Variants in RNPS1 observed in about 807,000 individuals in gnomAD.
The protein encoded by RNPS1 is RNA-binding protein with serine-rich domain 1.
For synonymous variants in RNPS1, 147 were observed against 150.0 expected (o/e 0.98, Z 0.15); for missense variants, 300 against 427.6 (o/e 0.70, Z 2.63).
intron 5 of RNPS1, 62 bp downstream of exon 5, chr16:2,262,678 C>A: frequency 2.8e-6 from 4 of 1,419,050 alleles, no homozygotes; most frequent in Non-Finnish European, 4.0e-6. Context: ...CTAAGTTCAT[C>A]TGCAGGCACA....
intron 3 of RNPS1, chr16:2,263,788 A>C: frequency 4.0e-6 from 1 of 253,102 alleles, no homozygotes; most frequent in Middle Eastern, 1.5e-3. Flanking sequence ...AGTTTTGTTT[A>C]TTTTCCTCAA....
chr16:2,263,255 G>C lies in RNPS1; in HGVS notation c.260C>G (p.Ser87Cys). The C allele has an allele frequency of 2.5e-6, 4 of 1,613,806 alleles. No homozygotes were observed. The highest frequency in any genetic ancestry group is 3.4e-6 in the Non-Finnish European group (4 of 1,179,844). ...SRSSSTSSSGSSTSTGSSSGS... is the reference protein window; with the variant it reads ...SRSSSTSSSGCSTSTGSSSGS... ...ACTGCTTGAGCCAGTGCTGGTGCTGGAGCCTGAGCTGGAAGTCGAGCTGGA... is the reference window on the plus strand; with the variant it reads ...ACTGCTTGAGCCAGTGCTGGTGCTGCAGCCTGAGCTGGAAGTCGAGCTGGA... The change falls in exon 4 of 8, where the codon TCC (serine) becomes TGC (cysteine). Residue 87 changes from serine to cysteine, a missense_variant. Ser to Cys is a moderately radical substitution (Grantham distance 112). Transcript: ENST00000320225.
At chr16:2,266,375 T>C in intron 1 of RNPS1, 2 of 985,460 alleles carry the variant, frequency 2.0e-6, no homozygotes. Context: ...ACACTCTTTG[T>C]GTCCTCGGAC....
chr16:2,263,037 G>T, intron 4 of RNPS1, 59 bp downstream of exon 4: 2 of 1,547,678 alleles, frequency 1.3e-6, no homozygotes, highest in African/African-American at 1.4e-5. Flanking sequence ...TTATAACCTC[G>T]ATGGTAAATC....
In RNPS1 at chr16:2,267,970, A is replaced by T. The variant is rs2093632311; in HGVS notation, c.-118+85T>A. 2.0e-6 allele frequency: 3 copies of T among 1,533,142 alleles called. No homozygotes were observed. In the Admixed American group the frequency reaches 5.9e-5, roughly 30 times the overall value. 95.0% of individuals were successfully genotyped at this position (1,533,142 alleles called of 1,614,324 possible). On this transcript the variant is annotated intron_variant, in intron 1 of 7. Coordinates refer to ENST00000320225, the MANE Select transcript of RNPS1 (RefSeq NM_080594.4). Reference sequence around the variant, plus strand: ...CCACCGCCGCACTGCGGGGCTGAGGAGTGGACCGGCTTCACGAGGCGTCCT... The same window carrying T: ...CCACCGCCGCACTGCGGGGCTGAGGTGTGGACCGGCTTCACGAGGCGTCCT...
At position 2,255,738 on chromosome 16, in the gene RNPS1, G is replaced by A. The variant is rs2093575234; in HGVS notation, c.677-12C>T. Reference sequence around the variant, plus strand: ...GCCATCAATTTGTCCTGTTGAAAAAGACAGCAAGTCATAAAATATCTAACA... The same window carrying A: ...GCCATCAATTTGTCCTGTTGAAAAAAACAGCAAGTCATAAAATATCTAACA... On this transcript the variant is annotated splice_polypyrimidine_tract_variant and intron_variant, in intron 6 of 7. Coordinates refer to ENST00000320225, the MANE Select transcript of RNPS1 (RefSeq NM_080594.4). The A allele has an allele frequency of 1.2e-6, 2 of 1,613,168 alleles. No homozygotes were observed. The highest frequency in any genetic ancestry group is 1.7e-6 in the Non-Finnish European group (2 of 1,179,776).
At chr16:2,254,891 A>G (rs1002451100) in intron 7 of RNPS1, among the ~76,000 whole-genome samples, 36 of 150,806 alleles carry the variant, frequency 2.4e-4, no homozygotes, top group Admixed American at 1.7e-3. Context: ...ACAGGCACCC[A>G]CCACCACGCC....
At chr16:2,261,194 T>C (rs1192819683) in intron 6 of RNPS1, among the ~76,000 whole-genome samples, 1 of 152,204 alleles carries the variant, frequency 6.6e-6, no homozygotes, top group Admixed American at 6.5e-5. Flanking sequence ...ATTTTTTCCT[T>C]TTTTGTTTCC....
rs770242335 is a variant in RNPS1 at position 2,268,043 on chromosome 16, G to A, written c.-118+12C>T. 2 of 1,534,340 alleles carry A rather than the reference G, an allele frequency of 1.3e-6. No individual in the cohort carries two copies. Among genetic ancestry groups the A allele is most frequent in the Admixed American group, 2.0e-5 (1 of 50,998 alleles). ...CGAAACACGGATGCAGTCGGATTCC[G>A]CCCCAACTTACATCTTCCCGCCGCC... On this transcript the variant is annotated intron_variant, in intron 1 of 7. Transcript: ENST00000320225.
intron 7 of RNPS1, among the ~76,000 whole-genome samples, chr16:2,254,702 A>T (rs952402223): frequency 6.8e-6 from 1 of 146,822 alleles, no homozygotes; most frequent in African/African-American, 2.5e-5. Context: ...AAGTGCTGGG[A>T]TTACAGGCGA....
At chr16:2,257,521 G>A (rs1265305599) in intron 6 of RNPS1, 2 of 152,174 alleles carry the variant, frequency 1.3e-5, no homozygotes, top group Non-Finnish European at 2.9e-5. Context: ...TTCAAAGACA[G>A]AAGGGGAGAC....
At chr16:2,254,161 G>A (rs561538696) in intron 7 of RNPS1, 98 bp from the exon 8 acceptor site, 5 of 871,878 alleles carry the variant, frequency 5.7e-6, no homozygotes, top group African/African-American at 1.7e-5. Flanking sequence ...TTTTGAGATG[G>A]AATATCACTC....
chr16:2,261,739 T>A (rs944068724), intron 6 of RNPS1, among the ~76,000 whole-genome samples: 99 of 152,260 alleles, frequency 6.5e-4, no homozygotes, highest in Non-Finnish European at 5.7e-4. Flanking sequence ...TCAGGACCCA[T>A]TTAGGATTAA....
At position 2,264,339 on chromosome 16, in the gene RNPS1, G is replaced by T. The variant is rs778859772; in HGVS notation, c.72-8C>A. The T allele has an allele frequency of 6.2e-7, 1 of 1,614,134 alleles. No homozygotes were observed. Among genetic ancestry groups the T allele is most frequent in the Non-Finnish European group, 8.5e-7 (1 of 1,180,022 alleles). On this transcript the variant is annotated splice_polypyrimidine_tract_variant and splice_region_variant and intron_variant, in intron 2 of 7. Transcript: ENST00000320225. ...TTGGTAGGTGAAGGAGCCCTGGATG[G>T]TGAGGAAGAGTGTGAGATTGCGTGC...
chr16:2,264,301 G>C lies in RNPS1; in HGVS notation c.102C>G (p.Arg34=). ...RAPSPTKRKD[R]SDEKSKDRSK... Reference sequence around the variant, plus strand: ...AGCGATCCTTGGACTTCTCATCTGAGCGGTCTTTGCGTTTGGTAGGTGAAG... The same window carrying C: ...AGCGATCCTTGGACTTCTCATCTGACCGGTCTTTGCGTTTGGTAGGTGAAG... The change falls in exon 3 of 8, where the codon CGC becomes CGG. Residue 34 remains arginine, a synonymous_variant. Coordinates refer to ENST00000320225, the MANE Select transcript of RNPS1 (RefSeq NM_080594.4). The C allele has an allele frequency of 6.2e-7, 1 of 1,614,178 alleles. No homozygotes were observed. The highest frequency in any genetic ancestry group is 2.2e-5 in the East Asian group (1 of 44,878).
intron 7 of RNPS1, among the ~76,000 whole-genome samples, chr16:2,255,097 G>C (rs560690287): frequency 6.6e-6 from 1 of 152,314 alleles, no homozygotes; most frequent in South Asian, 2.1e-4. Context: ...CCTGCCCTGA[G>C]CTCTTGGGAA....
intron 6 of RNPS1, among the ~76,000 whole-genome samples, chr16:2,259,179 G>A (rs1156772028): frequency 6.7e-6 from 1 of 148,258 alleles, no homozygotes; most frequent in Non-Finnish European, 1.5e-5. Context: ...TGATGTAAAA[G>A]TGAAATTTGG....
At chr16:2,261,610 G>C (rs2093603388) in intron 6 of RNPS1, among the ~76,000 whole-genome samples, 1 of 152,226 alleles carries the variant, frequency 6.6e-6, no homozygotes, top group Non-Finnish European at 1.5e-5. Flanking sequence ...AGTACTGTCT[G>C]AGTAGTTAAA....
chr16:2,266,051 GC>G, intron 1 of RNPS1: 1 of 917,776 alleles, frequency 1.1e-6, no homozygotes, highest in South Asian at 5.0e-5. Context: ...CTCTGCACAA[GC>G]TGCAGGAGTT....
Sources: allele counts gnomAD v4.1 joint callset (sites outside exome capture counted in the v4.1 genomes callset), GRCh38; gene constraint gnomAD v4.1.1; transcripts MANE v1.5; gene names NCBI Gene and HGNC (gene_info 2026-07-23, HGNC 2026-07-21).